The following CGGBP1 variants were observed in gnomAD, a reference collection of about 807,000 sequenced individuals.
CGGBP1 encodes the protein CGG triplet repeat-binding protein 1.
CGGBP1 carries 4 observed loss-of-function variants against 11.4 expected under a neutral mutation model. The ratio of observed to expected loss-of-function variants is 0.35; its 90% CI spans 0.17 to 0.80. CGGBP1 has a LOEUF of 0.80. Among genes scored for constraint, CGGBP1 ranks in the 30% least tolerant of loss-of-function variants. CGGBP1 has a pLI of 0.52. For synonymous variants in CGGBP1, 76 were observed against 74.1 expected, an observed-to-expected ratio of 1.03 and a Z score of -0.13; for missense variants, 135 against 202.1, an observed-to-expected ratio of 0.67 and a Z score of 2.01.
intron 1 of CGGBP1, among the ~76,000 whole-genome samples, chr3:88,147,488 A>G (rs944802351): frequency 3.9e-5 from 6 of 152,220 alleles, no homozygotes; most frequent in Non-Finnish European, 7.3e-5. Flanking sequence ...GATTGACAGA[A>G]TAATAAGGAA....
At chr3:88,124,566 T>A (rs1408289696) in intron 2 of CGGBP1, among the ~76,000 whole-genome samples, 1 of 152,226 alleles carries the variant, frequency 6.6e-6, no homozygotes, top group Admixed American at 6.5e-5. Context: ...TGAAAGAATA[T>A]GACAGTTTAA....
upstream of CGGBP1, chr3:88,059,382 G>A: frequency 6.5e-7 from 1 of 1,535,466 alleles, no homozygotes; most frequent in Non-Finnish European, 8.7e-7. Flanking sequence ...TGGCCATTGT[G>A]GAGTCCCCGC....
intron 2 of CGGBP1, among the ~76,000 whole-genome samples, chr3:88,081,932 C>T (rs1216464804): frequency 6.6e-6 from 1 of 152,148 alleles, no homozygotes; most frequent in East Asian, 1.9e-4. Context: ...AAATGAATAA[C>T]ATAAGCATAC....
chr3:88,107,918 C>G (rs548257231), intron 2 of CGGBP1, among the ~76,000 whole-genome samples: 1 of 152,162 alleles, frequency 6.6e-6, no homozygotes, highest in South Asian at 2.1e-4. Flanking sequence ...GTCTCTGTGA[C>G]TAACGTTCTT....
chr3:88,084,264 C>A (rs1227532033), intron 2 of CGGBP1, among the ~76,000 whole-genome samples: 3 of 152,108 alleles, frequency 2.0e-5, no homozygotes, highest in Non-Finnish European at 4.4e-5. Flanking sequence ...GAGATAAACC[C>A]AACCCATAAA....
At chr3:88,087,882 C>G (rs1708420162) in intron 2 of CGGBP1, among the ~76,000 whole-genome samples, 1 of 152,188 alleles carries the variant, frequency 6.6e-6, no homozygotes. Context: ...AATCCAAAAT[C>G]TGACATCTGA....
chr3:88,085,436 A>T (rs1708289642), intron 2 of CGGBP1, among the ~76,000 whole-genome samples: 1 of 152,098 alleles, frequency 6.6e-6, no homozygotes, highest in Non-Finnish European at 1.5e-5. Context: ...TTTTTTTTCC[A>T]ACCACTTAAA....
intron 1 of CGGBP1, among the ~76,000 whole-genome samples, chr3:88,149,194 C>T (rs1294663158): frequency 6.6e-6 from 1 of 152,158 alleles, no homozygotes; most frequent in East Asian, 1.9e-4. Context: ...TTAGTAAGAG[C>T]CCCATGCACT....
chr3:88,117,905 A>T (rs957593882), intron 2 of CGGBP1, among the ~76,000 whole-genome samples: 2 of 151,806 alleles, frequency 1.3e-5, no homozygotes, highest in Admixed American at 1.3e-4. Flanking sequence ...CTGAGTTTTA[A>T]ATGTCTGGAA....
chr3:88,088,648 T>C (rs1172793812), intron 2 of CGGBP1, among the ~76,000 whole-genome samples: 2 of 152,134 alleles, frequency 1.3e-5, no homozygotes, highest in African/African-American at 2.4e-5. Context: ...CTTTAAAAAT[T>C]GATTTGTATA....
intron 2 of CGGBP1, among the ~76,000 whole-genome samples, chr3:88,088,996 C>T (rs977020055): frequency 6.6e-6 from 1 of 151,756 alleles, no homozygotes; most frequent in African/African-American, 2.4e-5. Flanking sequence ...TGGTTTTGAA[C>T]TCCTGACCTC....
chr3:88,086,544 C>G (rs193063040), intron 2 of CGGBP1: 2 of 767,674 alleles, frequency 2.6e-6, no homozygotes, highest in Non-Finnish European at 1.9e-6. Context: ...CTGAAGTATT[C>G]AGGTTTAATT....
At chr3:88,090,323 T>A (rs1708564549) in intron 2 of CGGBP1, among the ~76,000 whole-genome samples, 1 of 152,108 alleles carries the variant, frequency 6.6e-6, no homozygotes, top group Admixed American at 6.5e-5. Context: ...TGACCCTGAT[T>A]CTATGTAGAA....
At chr3:88,056,326 T>C (rs930108056) in intron 3 of CGGBP1, 20 of 178,256 alleles carry the variant, frequency 1.1e-4, no homozygotes, top group African/African-American at 4.7e-4. Context: ...AGGATATAAA[T>C]TACATTCAGG....
intron 2 of CGGBP1, among the ~76,000 whole-genome samples, chr3:88,106,075 T>C (rs1704719050): frequency 6.6e-6 from 1 of 152,202 alleles, no homozygotes; most frequent in African/African-American, 2.4e-5. Context: ...ACCAAACCTG[T>C]TGGCGCTCTG....
chr3:88,100,817 G>T (rs1302986177), intron 2 of CGGBP1, among the ~76,000 whole-genome samples: 1 of 152,192 alleles, frequency 6.6e-6, no homozygotes, highest in African/African-American at 2.4e-5. Context: ...TCATGGGGTG[G>T]GGAAAGCGGG....
At chr3:88,142,818 A>G (rs922280418) in intron 1 of CGGBP1, 1 of 152,256 alleles carries the variant, frequency 6.6e-6, no homozygotes. Context: ...GAACACAGTA[A>G]GAGATACATT....
chr3:88,085,994 A>C (rs1708318485), intron 2 of CGGBP1, among the ~76,000 whole-genome samples: 1 of 152,222 alleles, frequency 6.6e-6, no homozygotes, highest in Admixed American at 6.5e-5. Context: ...AAAGGGCATT[A>C]GTTAACAAAA....
intron 1 of CGGBP1, chr3:88,141,101 A>G: frequency 6.6e-7 from 1 of 1,521,316 alleles, no homozygotes; most frequent in South Asian, 1.3e-5. Context: ...AAAATGGCAT[A>G]AATAAAACTA....
Sources: allele counts gnomAD v4.1 joint callset (sites outside exome capture counted in the v4.1 genomes callset), GRCh38; gene constraint gnomAD v4.1.1; transcripts MANE v1.5; gene names NCBI Gene and HGNC (gene_info 2026-07-23, HGNC 2026-07-21).